ASIC2: variants seen among roughly 807,000 people sequenced by gnomAD.
ASIC2 encodes acid sensing ion channel subunit 2.
Under a neutral mutation model 57.3 loss-of-function variants are expected in ASIC2, and 25 were observed. The ratio of observed to expected loss-of-function variants is 0.44; its 90% confidence interval spans 0.32 to 0.61. The LOEUF is 0.61. Ranked by LOEUF, ASIC2 falls within the 20% of genes least tolerant of loss-of-function variation. The probability of loss-of-function intolerance (pLI) is 0.06; values close to 1 mark genes in which losing one functional copy is unlikely to be tolerated. For synonymous variants in ASIC2, 319 were observed against 307.5 expected, an observed-to-expected ratio of 1.04 and a Z score of -0.39; for missense variants, 641 against 738.1, an observed-to-expected ratio of 0.87 and a Z score of 1.52.
At chr17:33,947,026 A>C (rs574861512) in intron 1 of ASIC2, among the ~76,000 whole-genome samples, 83 of 152,310 alleles carry the variant, frequency 5.4e-4, no homozygotes, top group Non-Finnish European at 1.9e-4. Flanking sequence ...TCCACTGAGT[A>C]ATAGAGGAGA....
intron 1 of ASIC2, among the ~76,000 whole-genome samples, chr17:34,152,633 C>T (rs915542863): frequency 6.6e-6 from 1 of 152,166 alleles, no homozygotes; most frequent in Non-Finnish European, 1.5e-5. Flanking sequence ...GCACAGTGTA[C>T]ACATATATTG....
At chr17:33,199,731 T>G (rs1438254107) in intron 1 of ASIC2, among the ~76,000 whole-genome samples, 1 of 152,172 alleles carries the variant, frequency 6.6e-6, no homozygotes, top group Non-Finnish European at 1.5e-5. Flanking sequence ...GATGGGCTCC[T>G]CTCTCTTGTA....
At chr17:34,078,059 G>A (rs1909737865) in intron 1 of ASIC2, among the ~76,000 whole-genome samples, 1 of 152,012 alleles carries the variant, frequency 6.6e-6, no homozygotes, top group Non-Finnish European at 1.5e-5. Flanking sequence ...CCCTCCTCCT[G>A]GCCTCTCCGT....
At chr17:33,415,926 T>G (rs1597720615) in intron 1 of ASIC2, among the ~76,000 whole-genome samples, 1 of 152,174 alleles carries the variant, frequency 6.6e-6, no homozygotes, top group East Asian at 1.9e-4. Flanking sequence ...GCGGAGGCAG[T>G]GGCATTGAGC....
At chr17:33,174,582 G>A (rs755026847) in intron 1 of ASIC2, among the ~76,000 whole-genome samples, 13 of 152,152 alleles carry the variant, frequency 8.5e-5, no homozygotes, top group South Asian at 2.1e-4. Flanking sequence ...TAGTGGGGGC[G>A]CGATGGGCTT....
chr17:34,109,151 A>G (rs898555252), intron 1 of ASIC2, among the ~76,000 whole-genome samples: 2 of 152,018 alleles, frequency 1.3e-5, no homozygotes, highest in Non-Finnish European at 2.9e-5. Flanking sequence ...TGTGAGCAAC[A>G]TGTAGTTAGT....
At chr17:34,075,997 A>C (rs1909632464) in intron 1 of ASIC2, among the ~76,000 whole-genome samples, 1 of 146,692 alleles carries the variant, frequency 6.8e-6, no homozygotes, top group African/African-American at 2.5e-5. Flanking sequence ...CCTGGCTATT[A>C]TTTTTTATTT....
chr17:33,957,323 C>T (rs1219583851), intron 1 of ASIC2, among the ~76,000 whole-genome samples: 1 of 152,158 alleles, frequency 6.6e-6, no homozygotes, highest in Non-Finnish European at 1.5e-5. Context: ...TGGAAACTAG[C>T]CTGACTGGAG....
At chr17:33,585,719 T>C (rs527525442) in intron 1 of ASIC2, among the ~76,000 whole-genome samples, 49 of 152,374 alleles carry the variant, frequency 3.2e-4, no homozygotes, top group Non-Finnish European at 6.5e-4. Context: ...TTTTTTGTTA[T>C]GGCAACCAGG....
Position 33,293,121 on chromosome 17 carries a change from C to G in ASIC2, c.-1006G>C, listed in dbSNP as rs1423785425. 3.6e-6 allele frequency: 3 copies of G among 841,020 alleles called. No individual in the cohort carries two copies. Among genetic ancestry groups the G allele is most frequent in the Non-Finnish European group, 4.3e-6 (3 of 698,564 alleles). 52.1% of individuals were successfully genotyped at this position (841,020 alleles called of 1,614,324 possible). On this transcript the variant is annotated 5_prime_UTR_variant, in exon 1 of 10. Transcript: ENST00000225823. ...TGACCCGGACTCGCTGCTCCGCGCG[C>G]CCTTCTCCTCTCGAGACTCCGAGCT...
At chr17:33,676,697 A>G (rs1278931244) in intron 1 of ASIC2, among the ~76,000 whole-genome samples, 1 of 152,244 alleles carries the variant, frequency 6.6e-6, no homozygotes, top group African/African-American at 2.4e-5. Context: ...CCACAACATA[A>G]AAGTGCAAGG....
intron 1 of ASIC2, among the ~76,000 whole-genome samples, chr17:34,054,346 CA>C (rs1267230275): frequency 6.6e-6 from 1 of 152,142 alleles, no homozygotes; most frequent in Non-Finnish European, 1.5e-5. Flanking sequence ...TACAAAGCTC[CA>C]AGAGGCTGTT....
chr17:33,576,740 C>G (rs886188340), intron 1 of ASIC2, among the ~76,000 whole-genome samples: 8 of 151,284 alleles, frequency 5.3e-5, no homozygotes, highest in African/African-American at 2.0e-4. Flanking sequence ...TACTCCCTAC[C>G]CATAAATGCT....
intron 1 of ASIC2, among the ~76,000 whole-genome samples, chr17:33,532,876 C>T (rs1019168860): frequency 2.0e-5 from 3 of 152,214 alleles, no homozygotes; most frequent in Admixed American, 2.0e-4. Context: ...GGCTAGATAA[C>T]TCTTTGTTGG....
intron 3 of ASIC2, among the ~76,000 whole-genome samples, chr17:33,038,507 G>A (rs2091918079): frequency 6.6e-6 from 1 of 152,166 alleles, no homozygotes; most frequent in African/African-American, 2.4e-5. Context: ...CATGTAGGGT[G>A]GATGAGCTAG....
At chr17:34,053,189 C>T (rs1053339250) in intron 1 of ASIC2, among the ~76,000 whole-genome samples, 3 of 152,128 alleles carry the variant, frequency 2.0e-5, no homozygotes. Context: ...TTTTGTTCTC[C>T]CTGGGTTGCT....
chr17:33,669,782 T>C (rs923242872), intron 1 of ASIC2, among the ~76,000 whole-genome samples: 2 of 152,228 alleles, frequency 1.3e-5, no homozygotes, highest in Non-Finnish European at 2.9e-5. Context: ...GCTGCAGATA[T>C]CTTCCCCTCC....
intron 1 of ASIC2, among the ~76,000 whole-genome samples, chr17:33,464,524 CTT>C (rs1156965323): frequency 0.071 from 2,533 of 35,760 alleles, 37 homozygotes; most frequent in Middle Eastern, 0.13. Context: ...TTCTTTCTTT[CTT>C]TCTTTCTTTC....
intron 1 of ASIC2, among the ~76,000 whole-genome samples, chr17:33,352,701 C>T (rs988555272): frequency 6.6e-6 from 1 of 152,184 alleles, no homozygotes; most frequent in African/African-American, 2.4e-5. Context: ...TGCTGGCCTC[C>T]ACACCACCCT....
Sources: gnomAD v4.1 joint callset for allele counts (sites outside exome capture counted in the v4.1 genomes callset) on GRCh38, gnomAD v4.1.1 for gene constraint, MANE v1.5 for transcripts, NCBI Gene and HGNC (gene_info 2026-07-23, HGNC 2026-07-21) for gene names.